Variants in CCDC18 observed in about 807,000 individuals in gnomAD.
CCDC18 encodes coiled-coil domain-containing protein 18.
In CCDC18, 157 loss-of-function variants were observed where a neutral mutation model predicts 196.0. The ratio of observed to expected loss-of-function variants is 0.80; its 90% CI spans 0.70 to 0.91. CCDC18 has a LOEUF of 0.91. Among genes scored for constraint, CCDC18 ranks in the 40% least tolerant of loss-of-function variants. The probability of loss-of-function intolerance (pLI) is 0.00; values close to 1 mark genes in which losing one functional copy is unlikely to be tolerated. For missense variants in CCDC18, 1,465 were observed against 1,611.6 expected, an observed-to-expected ratio of 0.91 and a Z score of 1.56; for synonymous variants, 482 against 529.2, an observed-to-expected ratio of 0.91 and a Z score of 1.22.
At chr1:93,237,710 G>T (rs1332696205) in intron 19 of CCDC18, among the ~76,000 whole-genome samples, 1 of 151,974 alleles carries the variant, frequency 6.6e-6, no homozygotes, top group Non-Finnish European at 1.5e-5. Flanking sequence ...TTCTTTAGAC[G>T]GCCTGACTTA....
At chr1:93,181,820 T>C (rs1378883978) in intron 1 of CCDC18, among the ~76,000 whole-genome samples, 2 of 152,182 alleles carry the variant, frequency 1.3e-5, no homozygotes, top group Non-Finnish European at 2.9e-5. Context: ...TTTCACCATC[T>C]TGGCCAGGTT....
intron 23 of CCDC18, among the ~76,000 whole-genome samples, 169 bp from the exon 24 acceptor site, chr1:93,254,302 T>C (rs1662655361): frequency 1.3e-5 from 2 of 152,206 alleles, no homozygotes. Context: ...TTTCTGGTAA[T>C]GTCCAAGAAC....
chr1:93,224,249 A>C (rs922850425), intron 16 of CCDC18, among the ~76,000 whole-genome samples: 2 of 151,380 alleles, frequency 1.3e-5, no homozygotes, highest in African/African-American at 4.9e-5. Context: ...CTACCAACCC[A>C]CCTCCCTTTT....
intron 26 of CCDC18, chr1:93,264,500 T>C (rs1182386432): frequency 4.7e-6 from 2 of 425,250 alleles, no homozygotes; most frequent in African/African-American, 4.1e-5. Context: ...AATTAAGTTC[T>C]TAAGTAAATT....
chr1:93,222,349 A>G (rs1657569359), intron 16 of CCDC18, among the ~76,000 whole-genome samples: 1 of 152,104 alleles, frequency 6.6e-6, no homozygotes, highest in Non-Finnish European at 1.5e-5. Flanking sequence ...TTTTTGTCTT[A>G]AAACAGTTTT....
chr1:93,256,643 AAC>A lies in CCDC18; in HGVS notation c.3546+107_3546+108del, dbSNP rs1206973950. ...CTTTCAAAAATGAACTGTATTGCAC[AAC>A]AGTGTGAATGTACTTAATCCCACCG... On this transcript the variant is annotated intron_variant, in intron 25 of 28. Transcript: ENST00000690025. 4 of 887,384 alleles carry A rather than the reference AAC, an allele frequency of 4.5e-6. No homozygotes were observed. The East Asian group carries it at 1.1e-4, about 23-fold the overall frequency. 55.0% of individuals were successfully genotyped at this position (887,384 alleles called of 1,614,324 possible). A position where few individuals can be genotyped will look rare whatever the true frequency, so the allele number is the denominator to read the frequency against.
chr1:93,197,839 C>T (rs1224928640), intron 6 of CCDC18, among the ~76,000 whole-genome samples: 5 of 147,422 alleles, frequency 3.4e-5, no homozygotes, highest in Admixed American at 2.8e-4. Context: ...GCAAGCTCCA[C>T]CTCCTGGGTT....
intron 17 of CCDC18, among the ~76,000 whole-genome samples, chr1:93,228,647 A>G (rs895077458): frequency 6.6e-6 from 1 of 150,484 alleles, no homozygotes; most frequent in Non-Finnish European, 1.5e-5. Context: ...TCTAAACTGT[A>G]TGTACTTGGA....
intron 14 of CCDC18, among the ~76,000 whole-genome samples, chr1:93,220,258 AC>A (rs1029704746): frequency 6.6e-6 from 1 of 152,182 alleles, no homozygotes; most frequent in African/African-American, 2.4e-5. Flanking sequence ...AGAGAAAAAA[AC>A]TGTCATTCTA....
chr1:93,254,509 A>AT lies in CCDC18; in HGVS notation c.3237_3238insT (p.Gln1080SerfsTer13). On this transcript the variant is annotated frameshift_variant, in exon 24 of 29. Coordinates refer to ENST00000690025, the MANE Select transcript of CCDC18 (RefSeq NM_001378204.1). LOFTEE classifies it high-confidence loss of function. ...ATGACAAATTACAAAATGCTAAAGA[A>AT]CAGCTTCGAGAAAAAGAGTTTATAA... 2 of 1,601,180 alleles carry AT rather than the reference A, an allele frequency of 1.2e-6. No homozygotes were observed. The highest frequency in any genetic ancestry group is 1.1e-5 in the South Asian group (1 of 89,706).
chr1:93,246,745 TA>T, intron 22 of CCDC18, 92 bp from the exon 23 acceptor site: 1 of 655,350 alleles, frequency 1.5e-6, no homozygotes, highest in Non-Finnish European at 2.7e-6. Flanking sequence ...TTATACTTGT[TA>T]TACTTGCTAT....
chr1:93,276,585 GA>G (rs1280990351), intron 28 of CCDC18, among the ~76,000 whole-genome samples: 1 of 151,720 alleles, frequency 6.6e-6, no homozygotes. Flanking sequence ...TAGCTATAGG[GA>G]AAACAAAGAT....
chr1:93,212,500 A>G (rs755744596), intron 11 of CCDC18, among the ~76,000 whole-genome samples: 1 of 151,840 alleles, frequency 6.6e-6, no homozygotes, highest in African/African-American at 2.4e-5. Context: ...TCCACCCTCC[A>G]CCCTCTGATA....
Position 93,258,390 on chromosome 1 carries a change from G to T in CCDC18, c.3547-358G>T, listed in dbSNP as rs187667221. 6.6e-5 allele frequency among the ~76,000 whole-genome samples: 10 copies of T among 152,174 alleles called. No individual in the cohort carries two copies. The East Asian group carries it at 1.9e-3, about 29-fold the overall frequency. On this transcript the variant is annotated intron_variant, in intron 25 of 28. Transcript: ENST00000690025. Reference sequence around the variant, plus strand: ...AATAAGTTTGAATAAAAACACAACTGACTCTTGATAAACAGACAATATATA... The same window carrying T: ...AATAAGTTTGAATAAAAACACAACTTACTCTTGATAAACAGACAATATATA...
intron 26 of CCDC18, among the ~76,000 whole-genome samples, chr1:93,259,643 A>G (rs1384271858): frequency 2.6e-5 from 4 of 152,204 alleles, no homozygotes; most frequent in African/African-American, 4.8e-5. Context: ...ATTTAGAATC[A>G]TATCTCTTTG....
intron 12 of CCDC18, 54 bp downstream of exon 12, chr1:93,215,020 GTAT>G (rs1656258788): frequency 8.5e-7 from 1 of 1,173,464 alleles, no homozygotes; most frequent in Non-Finnish European, 1.2e-6. Context: ...AGAACAAAAG[GTAT>G]TATTTTAGGG....
At position 93,229,248 on chromosome 1, in the gene CCDC18, A is replaced by G. The variant is rs576174236; in HGVS notation, c.2292+2799A>G. ...CGCTCAATCCTTAGCTCAACTGCAC[A>G]TGCATTGGCTTGCTTACTTAAAAGG... On this transcript the variant is annotated intron_variant, in intron 17 of 28. Transcript: ENST00000690025. Among the ~76,000 whole-genome samples, 6 of 152,382 alleles carry G rather than the reference A, an allele frequency of 3.9e-5. No individual in the cohort carries two copies. The South Asian group carries it at 1.2e-3, about 32-fold the overall frequency.
At chr1:93,222,328 T>C (rs1428132535) in intron 16 of CCDC18, among the ~76,000 whole-genome samples, 1 of 152,120 alleles carries the variant, frequency 6.6e-6, no homozygotes, top group Non-Finnish European at 1.5e-5. Flanking sequence ...GTTTGCAGGT[T>C]ATCTAGCCTC....
At chr1:93,189,549 T>A (rs1471149080) in intron 4 of CCDC18, among the ~76,000 whole-genome samples, 1 of 152,382 alleles carries the variant, frequency 6.6e-6, no homozygotes, top group East Asian at 1.9e-4. Context: ...GCCTCCAAAC[T>A]GTTCTCCATA....
Sources: gnomAD v4.1 joint callset for allele counts (sites outside exome capture counted in the v4.1 genomes callset) on GRCh38, gnomAD v4.1.1 for gene constraint, MANE v1.5 for transcripts, NCBI Gene and HGNC (gene_info 2026-07-23, HGNC 2026-07-21) for gene names.